Variants in PCLO observed in about 807,000 individuals in gnomAD.
PCLO encodes the protein protein piccolo.
A neutral mutation model predicts 427.5 loss-of-function variants in PCLO; 82 were observed. That is an observed-to-expected ratio of 0.19 (90% CI 0.16 to 0.23). The LOEUF is 0.23. PCLO is among the 10% of genes least tolerant of loss of function. The pLI, the probability that PCLO is intolerant of heterozygous loss-of-function variation, is 1.00. For missense variants in PCLO, 6,239 were observed against 6,115.9 expected (o/e 1.02, Z -0.67); for synonymous variants, 2,357 against 2,155.4 (o/e 1.09, Z -2.59).
chr7:82,888,105 CT>C (rs1793671900), intron 9 of PCLO, among the ~76,000 whole-genome samples: 1 of 151,550 alleles, frequency 6.6e-6, no homozygotes, highest in Non-Finnish European at 1.5e-5. Flanking sequence ...AAAATGAATA[CT>C]ATGTAATTGC....
At chr7:83,100,656 G>C (rs1055247840) in intron 3 of PCLO, among the ~76,000 whole-genome samples, 20 of 152,100 alleles carry the variant, frequency 1.3e-4, no homozygotes, top group Non-Finnish European at 1.2e-4. Flanking sequence ...CCTTTTTGGA[G>C]GATGGAGGGT....
At chr7:82,878,253 G>A (rs185280389) in intron 10 of PCLO, among the ~76,000 whole-genome samples, 4 of 152,150 alleles carry the variant, frequency 2.6e-5, no homozygotes, top group Admixed American at 2.6e-4. Context: ...TCTAATTTGT[G>A]TTTATTCTAA....
chr7:82,775,409 A>G (rs569836347), intron 22 of PCLO, among the ~76,000 whole-genome samples: 1 of 152,168 alleles, frequency 6.6e-6, no homozygotes, highest in South Asian at 2.1e-4. Flanking sequence ...TGGTGGTGCC[A>G]GTGTTCTGGA....
At chr7:82,898,817 G>A (rs1401061012) in intron 9 of PCLO, among the ~76,000 whole-genome samples, 1 of 151,304 alleles carries the variant, frequency 6.6e-6, no homozygotes, top group South Asian at 2.1e-4. Flanking sequence ...AAAATCCAAC[G>A]TGGTTAATCT....
At chr7:83,118,836 C>A (rs1380978447) in intron 3 of PCLO, among the ~76,000 whole-genome samples, 1 of 152,116 alleles carries the variant, frequency 6.6e-6, no homozygotes, top group Non-Finnish European at 1.5e-5. Context: ...AGGCTCAGAA[C>A]AGTGGAGCTG....
intron 20 of PCLO, among the ~76,000 whole-genome samples, chr7:82,806,778 T>C (rs1316419327): frequency 6.6e-6 from 1 of 152,206 alleles, no homozygotes; most frequent in Non-Finnish European, 1.5e-5. Flanking sequence ...CAGTAATGCC[T>C]ACCTCATAAA....
At chr7:83,086,637 G>A (rs189196482) in intron 3 of PCLO, among the ~76,000 whole-genome samples, 2,889 of 151,816 alleles carry the variant, frequency 0.019, 91 homozygotes, top group African/African-American at 0.065. Flanking sequence ...ATATTTAAGA[G>A]TATTTTGGAT....
chr7:82,771,899 G>A (rs184006959), intron 22 of PCLO, among the ~76,000 whole-genome samples: 2 of 152,152 alleles, frequency 1.3e-5, no homozygotes, highest in African/African-American at 4.8e-5. Context: ...GGGAATAAAT[G>A]CTTACCCATT....
At chr7:83,045,132 T>C (rs1789073679) in intron 3 of PCLO, among the ~76,000 whole-genome samples, 1 of 152,200 alleles carries the variant, frequency 6.6e-6, no homozygotes, top group African/African-American at 2.4e-5. Flanking sequence ...TCAATTTTAA[T>C]GACATCATTT....
intron 6 of PCLO, among the ~76,000 whole-genome samples, chr7:82,946,354 G>A (rs1030599855): frequency 2.0e-5 from 3 of 152,138 alleles, no homozygotes; most frequent in Non-Finnish European, 4.4e-5. Flanking sequence ...AGTGGCAAGA[G>A]AAGCAAAATT....
intron 22 of PCLO, among the ~76,000 whole-genome samples, chr7:82,770,352 C>T (rs1045784726): frequency 6.6e-6 from 1 of 151,762 alleles, no homozygotes; most frequent in Non-Finnish European, 1.5e-5. Flanking sequence ...ATGTTTAAAT[C>T]ATGCTAAGAA....
chr7:83,019,402 T>A (rs1788286810), intron 3 of PCLO, among the ~76,000 whole-genome samples: 1 of 151,858 alleles, frequency 6.6e-6, no homozygotes, highest in Admixed American at 6.6e-5. Context: ...TTGCATTTAT[T>A]TTATTGTAAC....
chr7:82,774,811 G>A lies in PCLO; in HGVS notation c.15008-13318C>T, dbSNP rs554515489. Among the ~76,000 whole-genome samples, 5 of 152,162 alleles carry A rather than the reference G, an allele frequency of 3.3e-5. No individual in the cohort carries two copies. The South Asian group carries it at 1.0e-3, about 32-fold the overall frequency. ...TTCATTCTTGTTGTACATTCCAGGGGTTTGGAAAAATACATGACATATATC... is the reference window on the plus strand; with the variant it reads ...TTCATTCTTGTTGTACATTCCAGGGATTTGGAAAAATACATGACATATATC... On this transcript the variant is annotated intron_variant, in intron 22 of 24. Coordinates refer to ENST00000333891, the MANE Select transcript of PCLO (RefSeq NM_033026.6).
intron 20 of PCLO, among the ~76,000 whole-genome samples, chr7:82,814,416 T>C (rs1755261139): frequency 6.6e-6 from 1 of 151,444 alleles, no homozygotes; most frequent in Non-Finnish European, 1.5e-5. Context: ...ATTATGATTG[T>C]GCATAAGTCT....
rs769538086 is a variant in PCLO, at chr7:83,134,741, A to T, written c.2809T>A (p.Ser937Thr). 5 of 1,613,892 alleles carry T rather than the reference A, an allele frequency of 3.1e-6. No homozygotes were observed. Among genetic ancestry groups the T allele is most frequent in the Non-Finnish European group, 4.2e-6 (5 of 1,179,862 alleles). ...VTGKLFGFGA[S>T]IFSQASNLIS... ...AAATTTGATGCCTGGCTGAAGATTG[A>T]TGCTCCAAACCCAAAGAGTTTCCCA... The change falls in exon 3 of 25, where the codon TCA becomes ACA. Residue 937 changes from serine (S) to threonine (T), a missense_variant. Transcript: ENST00000333891.
chr7:83,101,177 A>T (rs1584026128), intron 3 of PCLO, among the ~76,000 whole-genome samples: 2 of 151,448 alleles, frequency 1.3e-5, no homozygotes, highest in East Asian at 3.9e-4. Flanking sequence ...TCTATACCAC[A>T]AAAAAGGAAC....
intron 14 of PCLO, among the ~76,000 whole-genome samples, chr7:82,839,485 A>T (rs2115767568): frequency 6.6e-6 from 1 of 152,228 alleles, no homozygotes; most frequent in East Asian, 1.9e-4. Context: ...AGAAAGGGGA[A>T]GTTTAGAACT....
chr7:83,137,734 T>A (rs1165809852), intron 2 of PCLO, among the ~76,000 whole-genome samples: 1 of 152,198 alleles, frequency 6.6e-6, no homozygotes, highest in Non-Finnish European at 1.5e-5. Flanking sequence ...CGCCCGGCCA[T>A]GGATATTCAT....
intron 10 of PCLO, among the ~76,000 whole-genome samples, chr7:82,860,401 T>C (rs989914866): frequency 1.3e-5 from 2 of 152,072 alleles, no homozygotes; most frequent in South Asian, 2.1e-4. Flanking sequence ...GAGAGTGATA[T>C]GACTTATTTA....
Sources: allele counts gnomAD v4.1 joint callset (sites outside exome capture counted in the v4.1 genomes callset), GRCh38; gene constraint gnomAD v4.1.1; transcripts MANE v1.5; gene names NCBI Gene and HGNC (gene_info 2026-07-23, HGNC 2026-07-21).